Variants in NTRK3 observed in about 807,000 individuals in gnomAD.
NTRK3 encodes neurotrophic receptor tyrosine kinase 3.
Under a neutral mutation model 91.7 loss-of-function variants are expected in NTRK3, and 24 were observed. The observed-to-expected ratio is 0.26, with a 90% CI of 0.19 to 0.37. The LOEUF (loss-of-function observed/expected upper bound fraction) is 0.37, where lower values mean the gene tolerates loss of function less well. Ranked by LOEUF, NTRK3 falls within the 10% of genes least tolerant of loss-of-function variation. The pLI is 1.00. For synonymous variants in NTRK3, 483 were observed against 404.0 expected, an observed-to-expected ratio of 1.20 and a Z score of -2.34; for missense variants, 880 against 1,068.9, an observed-to-expected ratio of 0.82 and a Z score of 2.46.
chr15:87,952,429 C>G (rs1210129100), intron 14 of NTRK3, among the ~76,000 whole-genome samples: 3 of 152,116 alleles, frequency 2.0e-5, no homozygotes, highest in African/African-American at 7.2e-5. Flanking sequence ...TCTGGTTGCC[C>G]CATTGGGGCT....
intron 14 of NTRK3, among the ~76,000 whole-genome samples, chr15:87,973,572 G>C (rs1466053603): frequency 6.6e-6 from 1 of 152,158 alleles, no homozygotes; most frequent in African/African-American, 2.4e-5. Flanking sequence ...GCAAAATGCA[G>C]AACCAGAGCT....
intron 14 of NTRK3, among the ~76,000 whole-genome samples, chr15:87,986,247 G>C (rs1176264549): frequency 1.3e-5 from 2 of 152,124 alleles, no homozygotes; most frequent in African/African-American, 4.8e-5. Context: ...TTTTTCCTGA[G>C]TCTTTTGACT....
chr15:88,063,581 G>A (rs184019061), intron 13 of NTRK3, among the ~76,000 whole-genome samples: 1 of 152,286 alleles, frequency 6.6e-6, no homozygotes, highest in African/African-American at 2.4e-5. Context: ...CTCATGACCC[G>A]CCTGCCTTCT....
intron 13 of NTRK3, among the ~76,000 whole-genome samples, chr15:88,077,336 A>T (rs2047638528): frequency 6.6e-6 from 1 of 152,060 alleles, no homozygotes; most frequent in African/African-American, 2.4e-5. Context: ...CACGAACTGC[A>T]TGGCTCAGAA....
intron 13 of NTRK3, among the ~76,000 whole-genome samples, chr15:88,048,630 G>A (rs944724919): frequency 2.6e-5 from 4 of 152,180 alleles, no homozygotes; most frequent in African/African-American, 9.7e-5. Flanking sequence ...CTCTCATGAT[G>A]GGAAGACTGA....
intron 14 of NTRK3, among the ~76,000 whole-genome samples, chr15:87,942,984 G>A (rs2070049445): frequency 6.6e-6 from 1 of 152,120 alleles, no homozygotes; most frequent in Non-Finnish European, 1.5e-5. Flanking sequence ...TTGGGGAAGA[G>A]CACCGTTTGG....
intron 13 of NTRK3, among the ~76,000 whole-genome samples, chr15:88,111,021 G>A (rs1182902369): frequency 2.6e-5 from 4 of 152,180 alleles, no homozygotes; most frequent in East Asian, 3.9e-4. Context: ...AGAGCATGGA[G>A]GGGTAAAGAG....
At chr15:87,861,057 G>A (rs1264028047) in exon 19 of NTRK3, 2 of 226,506 alleles carry the variant, frequency 8.8e-6, no homozygotes, top group Non-Finnish European at 1.8e-5. Flanking sequence ...CAGAACAGGT[G>A]TGCCCAGGTA....
chr15:88,164,728 CT>C (rs893131659), intron 5 of NTRK3, among the ~76,000 whole-genome samples: 3 of 152,132 alleles, frequency 2.0e-5, no homozygotes, highest in African/African-American at 7.2e-5. Context: ...AAAAACATCT[CT>C]TTTCTCCTTT....
chr15:88,117,865 T>C (rs549663864), intron 13 of NTRK3, among the ~76,000 whole-genome samples: 2 of 152,304 alleles, frequency 1.3e-5, no homozygotes, highest in Admixed American at 6.5e-5. Flanking sequence ...GGGCCAGAGA[T>C]AGACCAGCCT....
chr15:88,236,846 T>TA (rs2051828716), intron 3 of NTRK3, among the ~76,000 whole-genome samples: 2 of 150,386 alleles, frequency 1.3e-5, no homozygotes, highest in South Asian at 4.2e-4. Flanking sequence ...TCCCAAACAG[T>TA]GGCTCCCCCT....
chr15:88,109,761 G>C (rs1405125220), intron 13 of NTRK3, among the ~76,000 whole-genome samples: 1 of 152,096 alleles, frequency 6.6e-6, no homozygotes, highest in Non-Finnish European at 1.5e-5. Context: ...CCACTGGCTG[G>C]GGGAGTAGCC....
chr15:88,140,256 G>A (rs1390965901), intron 6 of NTRK3, among the ~76,000 whole-genome samples: 1 of 152,180 alleles, frequency 6.6e-6, no homozygotes, highest in East Asian at 1.9e-4. Flanking sequence ...AGATTGAGAA[G>A]CTGGTTAAGA....
At chr15:88,183,994 C>T (rs181274026) in intron 4 of NTRK3, among the ~76,000 whole-genome samples, 12 of 152,344 alleles carry the variant, frequency 7.9e-5, no homozygotes, top group African/African-American at 2.6e-4. Flanking sequence ...TGGGAATTCA[C>T]ACAACCCCCT....
chr15:88,118,030 G>C (rs1386799015), intron 13 of NTRK3, among the ~76,000 whole-genome samples: 1 of 152,260 alleles, frequency 6.6e-6, no homozygotes, highest in Non-Finnish European at 1.5e-5. Flanking sequence ...ACAAAGGGCA[G>C]TGGGTGTCAA....
intron 13 of NTRK3, among the ~76,000 whole-genome samples, chr15:88,091,560 G>C (rs761853632): frequency 6.6e-6 from 1 of 152,122 alleles, no homozygotes; most frequent in Non-Finnish European, 1.5e-5. Context: ...TCTGCTGTAC[G>C]CACAAGGGTA....
At position 87,870,294 on chromosome 15, in the gene NTRK3, G is replaced by A. The variant is rs185246370; in HGVS notation, c.*6641C>T. The A allele has an allele frequency of 2.2e-3, 420 of 189,986 alleles. 1 individual carries two copies. Among genetic ancestry groups the A allele is most frequent in the African/African-American group, 9.0e-3 (386 of 42,984 alleles). The allele number at this position is 189,986 out of a possible 1,614,324, so 11.8% of individuals were successfully genotyped here. A position where few individuals can be genotyped will look rare whatever the true frequency, so the allele number is the denominator to read the frequency against. The stretch of plus-strand genomic sequence containing the variant: ...TAATGGCATTCGAAGCGGCCTGGGT[G>A]AGATTGGAGACCACTATTCTAAGTG... On this transcript the variant is annotated 3_prime_UTR_variant, in exon 19 of 19. Coordinates refer to ENST00000394480, the Ensembl canonical transcript of NTRK3.
intron 14 of NTRK3, among the ~76,000 whole-genome samples, chr15:87,941,432 C>T (rs930651358): frequency 4.6e-5 from 7 of 151,992 alleles, no homozygotes; most frequent in African/African-American, 1.2e-4. Flanking sequence ...AAAGTAAAGA[C>T]GTAGAAGACA....
At chr15:88,030,810 CATCT>C (rs1228949836) in intron 14 of NTRK3, among the ~76,000 whole-genome samples, 2 of 151,928 alleles carry the variant, frequency 1.3e-5, no homozygotes, top group Non-Finnish European at 1.5e-5. Flanking sequence ...AAAAACCTGT[CATCT>C]GTCATATTTA....
Sources: allele counts gnomAD v4.1 joint callset (sites outside exome capture counted in the v4.1 genomes callset), GRCh38; gene constraint gnomAD v4.1.1; transcripts MANE v1.5; gene names NCBI Gene and HGNC (gene_info 2026-07-23, HGNC 2026-07-21).